Variants in RBMS3 observed in about 807,000 individuals in gnomAD.
RBMS3 encodes RNA-binding motif, single-stranded-interacting protein 3.
A neutral mutation model predicts 66.8 loss-of-function variants in RBMS3; 27 were observed. The ratio of observed to expected loss-of-function variants is 0.40; its 90% CI spans 0.30 to 0.56. RBMS3 has a LOEUF of 0.56. RBMS3 is among the 20% of genes least tolerant of loss of function. The probability of loss-of-function intolerance (pLI) is 0.40; values close to 1 mark genes in which losing one functional copy is unlikely to be tolerated. For synonymous variants in RBMS3, 188 were observed against 183.0 expected (o/e 1.03, Z -0.22); for missense variants, 513 against 549.5 (o/e 0.93, Z 0.66).
chr3:29,769,548 C>T (rs2056099146), intron 6 of RBMS3, among the ~76,000 whole-genome samples: 1 of 151,780 alleles, frequency 6.6e-6, no homozygotes, highest in African/African-American at 2.4e-5. Flanking sequence ...GTCATACTTG[C>T]CTTGATTGCC....
chr3:29,497,102 C>A (rs993986874), intron 3 of RBMS3, among the ~76,000 whole-genome samples: 7 of 151,964 alleles, frequency 4.6e-5, no homozygotes, highest in Non-Finnish European at 1.0e-4. Context: ...CTCCGCCTCC[C>A]GGGTTCAAGT....
chr3:29,570,467 C>T (rs1293756642), intron 3 of RBMS3, among the ~76,000 whole-genome samples: 1 of 152,106 alleles, frequency 6.6e-6, no homozygotes, highest in Non-Finnish European at 1.5e-5. Context: ...ACCTCCCCCT[C>T]ATCCCCTGCT....
At chr3:29,799,989 T>C (rs1177466633) in intron 6 of RBMS3, among the ~76,000 whole-genome samples, 2 of 152,192 alleles carry the variant, frequency 1.3e-5, no homozygotes, top group Non-Finnish European at 2.9e-5. Flanking sequence ...ATCGTCACTG[T>C]TTGTCCATTT....
At chr3:29,701,282 G>C (rs79928391) in intron 4 of RBMS3, among the ~76,000 whole-genome samples, 1 of 137,992 alleles carries the variant, frequency 7.2e-6, no homozygotes, top group African/African-American at 2.6e-5. Flanking sequence ...TGTCTCAAAA[G>C]AAAAAAAAAA....
At chr3:29,839,163 T>C (rs1342408361) in intron 6 of RBMS3, among the ~76,000 whole-genome samples, 1 of 152,204 alleles carries the variant, frequency 6.6e-6, no homozygotes, top group Non-Finnish European at 1.5e-5. Context: ...CAATAATTAT[T>C]TTAACTGGCC....
At chr3:29,861,254 G>A (rs2059209874) in intron 6 of RBMS3, among the ~76,000 whole-genome samples, 1 of 151,968 alleles carries the variant, frequency 6.6e-6, no homozygotes, top group Non-Finnish European at 1.5e-5. Flanking sequence ...CTTATACTAA[G>A]ATTTTATAAA....
At chr3:29,863,815 A>G (rs1269625199) in intron 6 of RBMS3, among the ~76,000 whole-genome samples, 1 of 152,178 alleles carries the variant, frequency 6.6e-6, no homozygotes, top group Non-Finnish European at 1.5e-5. Context: ...GATCCTTGGC[A>G]ATCTAGAACA....
intron 4 of RBMS3, among the ~76,000 whole-genome samples, chr3:29,669,122 C>T (rs989124845): frequency 1.3e-5 from 2 of 152,204 alleles, no homozygotes; most frequent in Non-Finnish European, 2.9e-5. Flanking sequence ...AAAAGCTATT[C>T]TCCTTGTCTC....
At chr3:29,924,454 AAG>A (rs1337860944) in intron 10 of RBMS3, among the ~76,000 whole-genome samples, 1 of 152,002 alleles carries the variant, frequency 6.6e-6, no homozygotes, top group Non-Finnish European at 1.5e-5. Flanking sequence ...ATGACATCTG[AAG>A]AGAGTATTAA....
chr3:29,652,749 C>T (rs1026430404), intron 4 of RBMS3, among the ~76,000 whole-genome samples: 16 of 152,090 alleles, frequency 1.1e-4, no homozygotes, highest in South Asian at 6.2e-4. Context: ...TCTCTAATCT[C>T]GGAAGTCTTG....
intron 3 of RBMS3, among the ~76,000 whole-genome samples, chr3:29,573,274 C>G (rs1488472476): frequency 2.0e-5 from 3 of 152,086 alleles, no homozygotes; most frequent in African/African-American, 7.2e-5. Flanking sequence ...GTGCTTGCCA[C>G]CCTGTTTGGC....
intron 4 of RBMS3, among the ~76,000 whole-genome samples, chr3:29,624,639 A>G (rs1441729440): frequency 6.6e-6 from 1 of 152,198 alleles, no homozygotes; most frequent in Non-Finnish European, 1.5e-5. Context: ...TCCAAGGGCC[A>G]TAGTTCGTTT....
At chr3:29,598,559 C>G (rs2048040275) in intron 4 of RBMS3, among the ~76,000 whole-genome samples, 1 of 152,014 alleles carries the variant, frequency 6.6e-6, no homozygotes, top group Admixed American at 6.6e-5. Flanking sequence ...TACTTAACTT[C>G]TAGAAGATAA....
At chr3:29,316,572 A>AT (rs1410472301) in intron 1 of RBMS3, among the ~76,000 whole-genome samples, 1 of 151,684 alleles carries the variant, frequency 6.6e-6, no homozygotes, top group African/African-American at 2.4e-5. Context: ...TCTATGTAAC[A>AT]TGAAAGCAAG....
intron 3 of RBMS3, among the ~76,000 whole-genome samples, chr3:29,571,431 A>G (rs1000510496): frequency 6.6e-6 from 1 of 152,136 alleles, no homozygotes. Flanking sequence ...TCTTTAATCC[A>G]TTTTGATATG....
At chr3:29,573,922 G>T (rs1216946322) in intron 3 of RBMS3, among the ~76,000 whole-genome samples, 1 of 152,152 alleles carries the variant, frequency 6.6e-6, no homozygotes, top group Non-Finnish European at 1.5e-5. Context: ...GGTCAGAGAA[G>T]ATACTTGATA....
At chr3:29,444,713 C>T (rs895435492) in intron 2 of RBMS3, among the ~76,000 whole-genome samples, 5 of 143,060 alleles carry the variant, frequency 3.5e-5, no homozygotes, top group Admixed American at 2.2e-4. Flanking sequence ...TCTTTGTAGA[C>T]AAGTACAAGC....
intron 1 of RBMS3, among the ~76,000 whole-genome samples, chr3:29,363,159 G>A (rs1314431280): frequency 2.0e-5 from 3 of 152,122 alleles, no homozygotes; most frequent in Non-Finnish European, 2.9e-5. Context: ...CTAAATCTGA[G>A]GGTTGCCTTA....
rs1241032648 is a variant in RBMS3, at chr3:29,912,746, C to G, written c.939+12991C>G. Among the ~76,000 whole-genome samples the G allele has an allele frequency of 2.0e-5, 3 of 151,976 alleles. No homozygotes were observed. The South Asian group carries it at 6.2e-4, about 31-fold the overall frequency. ...GGTATGTAAGTTTCTTATAACCTAT[C>G]TTGATATAAGAATGACTCAGTAAAT... On this transcript the variant is annotated intron_variant, in intron 10 of 14. Coordinates refer to ENST00000383767, the MANE Select transcript of RBMS3 (RefSeq NM_001003793.3).
Sources: gnomAD v4.1 joint callset for allele counts (sites outside exome capture counted in the v4.1 genomes callset) on GRCh38, gnomAD v4.1.1 for gene constraint, MANE v1.5 for transcripts, NCBI Gene and HGNC (gene_info 2026-07-23, HGNC 2026-07-21) for gene names.